GMDS: variants seen among roughly 807,000 people sequenced by gnomAD.
GMDS encodes GDP-mannose 4,6 dehydratase.
Under a neutral mutation model 49.9 loss-of-function variants are expected in GMDS, and 20 were observed. The ratio of observed to expected loss-of-function variants is 0.40; its 90% CI spans 0.28 to 0.58. GMDS has a LOEUF of 0.58. Among genes scored for constraint, GMDS ranks in the 20% least tolerant of loss-of-function variants. GMDS has a pLI of 0.42. For missense variants in GMDS, 362 were observed against 481.4 expected, an observed-to-expected ratio of 0.75 and a Z score of 2.32; for synonymous variants, 177 against 178.6, an observed-to-expected ratio of 0.99 and a Z score of 0.07.
chr6:1,633,659 CT>C (rs1459426329), intron 9 of GMDS, among the ~76,000 whole-genome samples: 1 of 152,184 alleles, frequency 6.6e-6, no homozygotes, highest in African/African-American at 2.4e-5. Context: ...GTGTGAGGGT[CT>C]CTTGGGGACA....
intron 7 of GMDS, among the ~76,000 whole-genome samples, chr6:1,804,233 C>A (rs1376142341): frequency 6.6e-6 from 1 of 152,188 alleles, no homozygotes; most frequent in African/African-American, 2.4e-5. Flanking sequence ...GAAGCAAGAA[C>A]AATAAAAGCT....
chr6:2,152,285 A>G (rs1776881481), intron 1 of GMDS, among the ~76,000 whole-genome samples: 1 of 152,200 alleles, frequency 6.6e-6, no homozygotes, highest in Non-Finnish European at 1.5e-5. Context: ...ATTTAATAGT[A>G]TTTAAAAAAC....
chr6:2,142,562 G>A (rs1278830668), intron 1 of GMDS, among the ~76,000 whole-genome samples: 1 of 152,134 alleles, frequency 6.6e-6, no homozygotes, highest in Non-Finnish European at 1.5e-5. Flanking sequence ...AAGGGGCCTG[G>A]AACAGATCCT....
At chr6:1,646,178 G>A (rs1266885576) in intron 9 of GMDS, among the ~76,000 whole-genome samples, 2 of 152,036 alleles carry the variant, frequency 1.3e-5, no homozygotes, top group African/African-American at 4.8e-5. Flanking sequence ...TCTCTATTTT[G>A]CCACTTCCAG....
intron 7 of GMDS, among the ~76,000 whole-genome samples, chr6:1,834,706 A>G (rs1294354993): frequency 1.3e-5 from 2 of 152,200 alleles, no homozygotes; most frequent in Non-Finnish European, 2.9e-5. Flanking sequence ...TAAACTATAC[A>G]ATAATTCCAG....
At chr6:1,973,317 G>T (rs906260291) in intron 4 of GMDS, among the ~76,000 whole-genome samples, 11 of 152,166 alleles carry the variant, frequency 7.2e-5, no homozygotes, top group African/African-American at 2.4e-4. Flanking sequence ...AATGCATTTT[G>T]TAATGTTTAT....
At chr6:2,199,461 T>A (rs1779410571) in intron 1 of GMDS, among the ~76,000 whole-genome samples, 1 of 152,172 alleles carries the variant, frequency 6.6e-6, no homozygotes, top group South Asian at 2.1e-4. Context: ...CACAATCCAT[T>A]TACTTTCTGC....
chr6:1,853,599 A>T lies in GMDS; in HGVS notation c.771+76504T>A, dbSNP rs76402745. Among the ~76,000 whole-genome samples, 950 of 151,706 alleles carry T rather than the reference A, an allele frequency of 6.3e-3. 10 individuals are homozygous for T. Among genetic ancestry groups the T allele is most frequent in the African/African-American group, 0.022 (897 of 41,400 alleles). On this transcript the variant is annotated intron_variant, in intron 7 of 10. Coordinates refer to ENST00000380815, the MANE Select transcript of GMDS (RefSeq NM_001500.4). ...GTGTGTGTGTATACACATCTGGACA[A>T]CCACGTGTACAGGGCAAGACATAAA...
At chr6:2,110,111 G>A (rs1242495673) in intron 4 of GMDS, among the ~76,000 whole-genome samples, 2 of 152,238 alleles carry the variant, frequency 1.3e-5, no homozygotes, top group Non-Finnish European at 2.9e-5. Flanking sequence ...CCACGCTGTT[G>A]CAATTTTGTT....
intron 1 of GMDS, among the ~76,000 whole-genome samples, chr6:2,154,942 C>T (rs1454212460): frequency 6.7e-6 from 1 of 149,070 alleles, no homozygotes; most frequent in African/African-American, 2.5e-5. Context: ...TATAAAATTC[C>T]AGTATTCAAC....
intron 7 of GMDS, among the ~76,000 whole-genome samples, chr6:1,861,446 G>A (rs1308845024): frequency 6.6e-6 from 1 of 152,128 alleles, no homozygotes. Flanking sequence ...TTACCACACA[G>A]CCTGGGTTAG....
chr6:2,163,119 GT>G (rs1777488674), intron 1 of GMDS, among the ~76,000 whole-genome samples: 1 of 152,182 alleles, frequency 6.6e-6, no homozygotes, highest in Non-Finnish European at 1.5e-5. Context: ...CCGATGACAT[GT>G]GCCTAGGAGG....
intron 9 of GMDS, among the ~76,000 whole-genome samples, chr6:1,649,612 C>A (rs1403248020): frequency 6.6e-6 from 1 of 152,216 alleles, no homozygotes; most frequent in African/African-American, 2.4e-5. Flanking sequence ...GCACTAGATC[C>A]AAATGCTCCT....
chr6:2,038,148 A>G (rs1769415265), intron 4 of GMDS, among the ~76,000 whole-genome samples: 1 of 152,096 alleles, frequency 6.6e-6, no homozygotes, highest in African/African-American at 2.4e-5. Context: ...TTCATTGAAG[A>G]TCGCCCCCCT....
chr6:2,122,537 T>C (rs1283236308), intron 2 of GMDS, among the ~76,000 whole-genome samples: 1 of 125,304 alleles, frequency 8.0e-6, no homozygotes, highest in African/African-American at 6.1e-5. Context: ...AGCTGATAAT[T>C]TGGGAAATTT....
chr6:2,041,632 G>A (rs762347269), intron 4 of GMDS, among the ~76,000 whole-genome samples: 5 of 152,184 alleles, frequency 3.3e-5, no homozygotes, highest in Admixed American at 2.6e-4. Flanking sequence ...TGGGGAGCAG[G>A]CTGAGGTGAG....
chr6:1,717,800 C>T (rs1270025296), intron 9 of GMDS, among the ~76,000 whole-genome samples: 2 of 152,094 alleles, frequency 1.3e-5, no homozygotes, highest in Non-Finnish European at 2.9e-5. Context: ...TGACAATATG[C>T]AGCACAAAGT....
At chr6:1,687,101 G>T (rs1765001642) in intron 9 of GMDS, among the ~76,000 whole-genome samples, 1 of 152,108 alleles carries the variant, frequency 6.6e-6, no homozygotes, top group African/African-American at 2.4e-5. Context: ...TATTTTCCAG[G>T]ACAAGAGGCG....
chr6:2,167,095 T>TTTCAGTAAATTCACCA (rs1193683330), intron 1 of GMDS, among the ~76,000 whole-genome samples: 4 of 152,202 alleles, frequency 2.6e-5, no homozygotes, highest in African/African-American at 7.2e-5. Flanking sequence ...CACTTTCCCA[T>TTTCAGTAAATTCACCA]TTCAGTAAAT....
Sources: gnomAD v4.1 joint callset for allele counts (sites outside exome capture counted in the v4.1 genomes callset) on GRCh38, gnomAD v4.1.1 for gene constraint, MANE v1.5 for transcripts, NCBI Gene and HGNC (gene_info 2026-07-23, HGNC 2026-07-21) for gene names.